Variants in NOX4 observed in about 807,000 individuals in gnomAD.
The protein encoded by NOX4 is NADPH oxidase 4.
NOX4 carries 69 observed loss-of-function variants against 87.6 expected under a neutral mutation model. That is an observed-to-expected ratio of 0.79 (90% CI 0.65 to 0.96). The LOEUF (loss-of-function observed/expected upper bound fraction) is 0.96. NOX4 is among the 40% of genes least tolerant of loss of function. NOX4 has a pLI of 0.00. For synonymous variants in NOX4, 275 were observed against 238.2 expected, an observed-to-expected ratio of 1.15 and a Z score of -1.42; for missense variants, 680 against 681.5, an observed-to-expected ratio of 1.00 and a Z score of 0.02.
chr11:89,443,008 T>A (rs1243102321), intron 5 of NOX4, among the ~76,000 whole-genome samples: 3 of 152,040 alleles, frequency 2.0e-5, no homozygotes, highest in African/African-American at 7.2e-5. Context: ...GGTCTGAAAT[T>A]ACATGTGAAG....
chr11:89,551,482 C>T, the NOX4 span, among the ~76,000 whole-genome samples: 1 of 152,114 alleles, frequency 6.6e-6, no homozygotes, highest in Non-Finnish European at 1.5e-5. Flanking sequence ...TTTCCTTGAG[C>T]AGTGGTTTGT....
At chr11:89,529,517 A>G in the NOX4 span, among the ~76,000 whole-genome samples, 1 of 152,176 alleles carries the variant, frequency 6.6e-6, no homozygotes, top group East Asian at 1.9e-4. Context: ...CAGATCCTAG[A>G]CAGCCCTAAA....
intron 7 of NOX4, among the ~76,000 whole-genome samples, chr11:89,427,739 C>G (rs1943520853): frequency 6.6e-6 from 1 of 152,178 alleles, no homozygotes; most frequent in Non-Finnish European, 1.5e-5. Flanking sequence ...AAAACTACGT[C>G]TGATTGGCGT....
chr11:89,479,079 T>C (rs1385272796), intron 2 of NOX4, among the ~76,000 whole-genome samples: 1 of 152,122 alleles, frequency 6.6e-6, no homozygotes, highest in Non-Finnish European at 1.5e-5. Flanking sequence ...TCACCTTATC[T>C]CCTAAGTATT....
intron 7 of NOX4, among the ~76,000 whole-genome samples, chr11:89,427,437 G>T (rs1249253342): frequency 6.6e-6 from 1 of 152,116 alleles, no homozygotes; most frequent in African/African-American, 2.4e-5. Flanking sequence ...GCTAAAGGAG[G>T]AAGTTCGAAC....
At chr11:89,516,398 T>C in the NOX4 span, among the ~76,000 whole-genome samples, 1 of 152,068 alleles carries the variant, frequency 6.6e-6, no homozygotes, top group African/African-American at 2.4e-5. Flanking sequence ...AAAAACACTG[T>C]CAAGGTATAC....
intron 12 of NOX4, among the ~76,000 whole-genome samples, 183 bp from the exon 13 acceptor site, chr11:89,355,226 G>T (rs1163126691): frequency 2.0e-5 from 3 of 150,376 alleles, no homozygotes; most frequent in Non-Finnish European, 3.0e-5. Context: ...GTATGTGTGT[G>T]TGTGTATATA....
At chr11:89,430,013 A>G (rs1407608342) in intron 7 of NOX4, among the ~76,000 whole-genome samples, 1 of 152,186 alleles carries the variant, frequency 6.6e-6, no homozygotes, top group Non-Finnish European at 1.5e-5. Context: ...AACATGATGA[A>G]GTGGGCTTCA....
At chr11:89,331,119 G>A (rs1318196958) in intron 17 of NOX4, among the ~76,000 whole-genome samples, 1 of 151,818 alleles carries the variant, frequency 6.6e-6, no homozygotes, top group Non-Finnish European at 1.5e-5. Flanking sequence ...CATTTTAAGG[G>A]ATTAGAATCA....
chr11:89,337,814 CCTT>C (rs1160280170), intron 15 of NOX4, among the ~76,000 whole-genome samples: 1 of 151,902 alleles, frequency 6.6e-6, no homozygotes, highest in African/African-American at 2.4e-5. Flanking sequence ...AAATATTAGT[CCTT>C]CTGAAATACT....
At chr11:89,566,816 C>T in the NOX4 span, among the ~76,000 whole-genome samples, 1 of 152,170 alleles carries the variant, frequency 6.6e-6, no homozygotes, top group East Asian at 1.9e-4. Flanking sequence ...TCCCAGCCCC[C>T]AGTGACTCCT....
At chr11:89,359,960 A>T (rs978250385) in intron 12 of NOX4, among the ~76,000 whole-genome samples, 4 of 151,902 alleles carry the variant, frequency 2.6e-5, no homozygotes, top group Admixed American at 6.6e-5. Flanking sequence ...GCCAGTTTTA[A>T]TTTTTTTTAA....
At chr11:89,392,894 A>G (rs1941225444) in intron 11 of NOX4, among the ~76,000 whole-genome samples, 1 of 152,132 alleles carries the variant, frequency 6.6e-6, no homozygotes. Flanking sequence ...ACTTTAGCAG[A>G]ATCCTCATAA....
At chr11:89,519,566 G>T in the NOX4 span, among the ~76,000 whole-genome samples, 74 of 152,102 alleles carry the variant, frequency 4.9e-4, 1 homozygote, top group South Asian at 2.1e-4. Context: ...TAAATTAAGG[G>T]TATCTGTAAG....
intron 2 of NOX4, among the ~76,000 whole-genome samples, chr11:89,465,063 A>C (rs1487109418): frequency 6.6e-6 from 1 of 152,140 alleles, no homozygotes; most frequent in Non-Finnish European, 1.5e-5. Context: ...ATAGGTATAC[A>C]CGTACCATGG....
chr11:89,445,686 T>C (rs1354454420), intron 4 of NOX4, among the ~76,000 whole-genome samples: 2 of 152,088 alleles, frequency 1.3e-5, no homozygotes, highest in Non-Finnish European at 2.9e-5. Flanking sequence ...AATCTAGTCA[T>C]AGACTTTACA....
chr11:89,428,934 C>T (rs1424533786), intron 7 of NOX4, among the ~76,000 whole-genome samples: 1 of 152,226 alleles, frequency 6.6e-6, no homozygotes, highest in African/African-American at 2.4e-5. Context: ...CCACATCGCA[C>T]TTATTCCAAA....
chr11:89,362,611 C>A (rs998387135), intron 12 of NOX4, among the ~76,000 whole-genome samples: 7 of 151,956 alleles, frequency 4.6e-5, no homozygotes, highest in Non-Finnish European at 1.0e-4. Context: ...ATCTATCAAT[C>A]ATCTATCTAT....
chr11:89,559,329 C>T, the NOX4 span, among the ~76,000 whole-genome samples: 1 of 152,144 alleles, frequency 6.6e-6, no homozygotes, highest in East Asian at 1.9e-4. Flanking sequence ...TAAATGGATG[C>T]TATGGAAAGC....
Sources: gnomAD v4.1 joint callset for allele counts (sites outside exome capture counted in the v4.1 genomes callset) on GRCh38, gnomAD v4.1.1 for gene constraint, MANE v1.5 for transcripts, NCBI Gene and HGNC (gene_info 2026-07-23, HGNC 2026-07-21) for gene names.